PEPD: variants seen among roughly 807,000 people sequenced by gnomAD.
PEPD encodes the protein peptidase D.
A neutral mutation model predicts 60.7 loss-of-function variants in PEPD; 53 were observed. The observed-to-expected ratio is 0.87, with a 90% CI of 0.70 to 1.10. PEPD has a LOEUF of 1.10. Ranked by LOEUF, PEPD falls within the 50% of genes least tolerant of loss-of-function variation. The pLI is 0.00. For missense variants in PEPD, 711 were observed against 711.9 expected, an observed-to-expected ratio of 1.00 and a Z score of 0.01; for synonymous variants, 267 against 284.1, an observed-to-expected ratio of 0.94 and a Z score of 0.60.
intron 9 of PEPD, among the ~76,000 whole-genome samples, chr19:33,422,206 G>A (rs1384243942): frequency 1.3e-5 from 2 of 151,974 alleles, no homozygotes; most frequent in East Asian, 3.9e-4. Context: ...GAAAGCCACA[G>A]CATGCTCTCT....
At chr19:33,445,393 T>C (rs1969572585) in intron 9 of PEPD, among the ~76,000 whole-genome samples, 1 of 152,228 alleles carries the variant, frequency 6.6e-6, no homozygotes, top group South Asian at 2.1e-4. Flanking sequence ...ATGTGACTAT[T>C]TGGAGACGGT....
chr19:33,488,092 C>A (rs1336610106), intron 6 of PEPD, among the ~76,000 whole-genome samples: 1 of 152,114 alleles, frequency 6.6e-6, no homozygotes, highest in Non-Finnish European at 1.5e-5. Context: ...TCAGCATTCT[C>A]TCTAGAGGAG....
intron 13 of PEPD, chr19:33,388,545 C>T (rs1968134555): frequency 7.1e-6 from 2 of 281,194 alleles, no homozygotes; most frequent in African/African-American, 2.2e-5. Flanking sequence ...CCCCAGAAGT[C>T]GTGGTCCCAG....
chr19:33,489,975 C>G lies in PEPD; in HGVS notation c.503+21G>C, dbSNP rs777433088. 5 of 1,519,628 alleles carry G rather than the reference C, an allele frequency of 3.3e-6. No individual in the cohort carries two copies. In the South Asian group the frequency reaches 5.8e-5, roughly 18 times the overall value. The allele number at this position is 1,519,628 out of a possible 1,614,324, so 94.1% of individuals were successfully genotyped here. ...GAGTGGGGGATGGTGGGGAAAGAGT[C>G]CCTGGGGGCCCAGGACTCACTTGCT... On this transcript the variant is annotated intron_variant, in intron 6 of 14. Coordinates refer to ENST00000244137, the MANE Select transcript of PEPD (RefSeq NM_000285.4).
At chr19:33,493,968 TCC>T (rs1248331335) in intron 4 of PEPD, among the ~76,000 whole-genome samples, 1 of 152,172 alleles carries the variant, frequency 6.6e-6, no homozygotes, top group Non-Finnish European at 1.5e-5. Flanking sequence ...CTCTTATCTC[TCC>T]CTGAGTGCCT....
intron 9 of PEPD, among the ~76,000 whole-genome samples, chr19:33,416,499 G>A (rs1968894691): frequency 6.6e-6 from 1 of 152,120 alleles, no homozygotes; most frequent in Non-Finnish European, 1.5e-5. Context: ...GTGCAGCCCC[G>A]GACCAGCTGG....
intron 9 of PEPD, among the ~76,000 whole-genome samples, chr19:33,420,634 G>A (rs1274827487): frequency 2.0e-5 from 3 of 151,950 alleles, no homozygotes; most frequent in Admixed American, 1.3e-4. Context: ...CCTGGGAGGC[G>A]GAGGTTGTAG....
chr19:33,476,471 C>T (rs920832061), intron 7 of PEPD, among the ~76,000 whole-genome samples: 2 of 152,072 alleles, frequency 1.3e-5, no homozygotes, highest in Admixed American at 6.5e-5. Context: ...TTCAACTCTG[C>T]CCTTCACTCA....
intron 3 of PEPD, among the ~76,000 whole-genome samples, chr19:33,502,279 G>A (rs1970726976): frequency 6.6e-6 from 1 of 152,200 alleles, no homozygotes; most frequent in Non-Finnish European, 1.5e-5. Flanking sequence ...AGCTGTCTGT[G>A]ACCTCACAGT....
chr19:33,519,868 CCA>C (rs756526597), intron 1 of PEPD, among the ~76,000 whole-genome samples: 1 of 152,080 alleles, frequency 6.6e-6, no homozygotes, highest in Non-Finnish European at 1.5e-5. Flanking sequence ...GAGTTCGAGA[CCA>C]GTCTGGCCAA....
rs550595775 is a variant in PEPD, at chr19:33,446,090, G to A, written c.671+16905C>T. ...TACAGATTGATTGCCAAGTCTTGCC[G>A]TAAATCAAAAGACAGTCACTACTCA... is the stretch of plus-strand genomic sequence containing the variant. On this transcript the variant is annotated intron_variant, in intron 9 of 14. Coordinates refer to ENST00000244137, the MANE Select transcript of PEPD (RefSeq NM_000285.4). Among the ~76,000 whole-genome samples, 269 of 152,172 alleles carry A rather than the reference G, an allele frequency of 1.8e-3. 2 individuals are homozygous for A. Among genetic ancestry groups the A allele is most frequent in the African/African-American group, 6.2e-3 (258 of 41,510 alleles).
chr19:33,426,496 A>C (rs771772038), intron 9 of PEPD, among the ~76,000 whole-genome samples: 1 of 152,050 alleles, frequency 6.6e-6, no homozygotes, highest in African/African-American at 2.4e-5. Flanking sequence ...CCTGCAACTC[A>C]CTCAGTTCAT....
intron 9 of PEPD, among the ~76,000 whole-genome samples, chr19:33,422,434 C>T (rs551928150): frequency 2.8e-5 from 4 of 142,298 alleles, no homozygotes; most frequent in Admixed American, 6.9e-5. Context: ...CTATCATCTA[C>T]CTACCTATAA....
intron 11 of PEPD, among the ~76,000 whole-genome samples, chr19:33,403,636 G>A (rs1968552695): frequency 6.6e-6 from 1 of 152,232 alleles, no homozygotes; most frequent in Admixed American, 6.5e-5. Flanking sequence ...AGGGCCACGT[G>A]GCTGGACAGG....
chr19:33,389,848 C>T (rs915590347), intron 13 of PEPD, among the ~76,000 whole-genome samples: 12 of 152,248 alleles, frequency 7.9e-5, no homozygotes, highest in Non-Finnish European at 1.2e-4. Flanking sequence ...GGTGTTGGCT[C>T]TAGGGGCCTG....
At chr19:33,408,843 C>T (rs1052428294) in intron 11 of PEPD, among the ~76,000 whole-genome samples, 2 of 152,184 alleles carry the variant, frequency 1.3e-5, no homozygotes, top group Non-Finnish European at 2.9e-5. Context: ...AGTAGGCGCT[C>T]GGCAGATCAA....
chr19:33,479,405 ATTC>A (rs1306802392), intron 6 of PEPD, among the ~76,000 whole-genome samples: 3 of 152,058 alleles, frequency 2.0e-5, no homozygotes, highest in African/African-American at 4.8e-5. Context: ...TGGCGAATGA[ATTC>A]TTTTTTTTTT....
intron 6 of PEPD, among the ~76,000 whole-genome samples, chr19:33,488,679 TACCCGCCCCTCC>T (rs1402706212): frequency 1.3e-5 from 2 of 152,052 alleles, no homozygotes; most frequent in African/African-American, 4.8e-5. Context: ...GCAAACCTAC[TACCCGCCCCTCC>T]ACCCGCCCCA....
intron 6 of PEPD, among the ~76,000 whole-genome samples, chr19:33,485,311 T>C (rs575500749): frequency 1.9e-4 from 29 of 152,052 alleles, no homozygotes; most frequent in Non-Finnish European, 3.4e-4. Context: ...CTGGCCAACA[T>C]GGTGAACGCT....
Sources: allele counts gnomAD v4.1 joint callset (sites outside exome capture counted in the v4.1 genomes callset), GRCh38; gene constraint gnomAD v4.1.1; transcripts MANE v1.5; gene names NCBI Gene and HGNC (gene_info 2026-07-23, HGNC 2026-07-21).